Variants in PTK2 observed in about 807,000 individuals in gnomAD.
PTK2 encodes focal adhesion kinase 1.
Under a neutral mutation model 150.1 loss-of-function variants are expected in PTK2, and 45 were observed. That is an observed-to-expected ratio of 0.30 (90% CI 0.24 to 0.38). The LOEUF is 0.38. PTK2 is among the 10% of genes least tolerant of loss of function. The pLI, the probability that PTK2 is intolerant of heterozygous loss-of-function variation, is 1.00. For synonymous variants in PTK2, 432 were observed against 449.2 expected (o/e 0.96, Z 0.48); for missense variants, 919 against 1,307.3 (o/e 0.70, Z 4.58).
chr8:140,819,519 AG>A (rs2100106871), intron 8 of PTK2, among the ~76,000 whole-genome samples: 1 of 152,282 alleles, frequency 6.6e-6, no homozygotes. Context: ...GATTCACTGC[AG>A]AACTGTTTAC....
At chr8:140,855,584 G>A (rs965472705) in intron 5 of PTK2, among the ~76,000 whole-genome samples, 6 of 152,032 alleles carry the variant, frequency 3.9e-5, no homozygotes, top group African/African-American at 1.5e-4. Context: ...AACAGAGCAA[G>A]ACTCTGTCTC....
upstream of PTK2, chr8:141,002,001 G>A (rs1193767901): frequency 2.0e-5 from 3 of 152,218 alleles, no homozygotes; most frequent in Non-Finnish European, 2.9e-5. Flanking sequence ...AATCCCTCCC[G>A]AGGGCTACAG....
At chr8:140,991,849 G>A (rs11786709) in intron 1 of PTK2, among the ~76,000 whole-genome samples, 63,418 of 150,944 alleles carry the variant, frequency 0.42, 15,164 homozygotes, top group Non-Finnish European at 0.55. Flanking sequence ...TCTCTACAAA[G>A]TATGCAAAAA....
intron 1 of PTK2, chr8:140,948,683 A>C (rs2100178510): frequency 6.6e-6 from 1 of 152,218 alleles, no homozygotes; most frequent in South Asian, 2.1e-4. Context: ...TCAGCCATCC[A>C]CGTCAGCGGG....
At chr8:140,964,070 C>A (rs1185226930) in intron 1 of PTK2, among the ~76,000 whole-genome samples, 1 of 152,148 alleles carries the variant, frequency 6.6e-6, no homozygotes, top group Non-Finnish European at 1.5e-5. Flanking sequence ...TCCCTTCCCC[C>A]ACCCAGCTTA....
At chr8:140,794,499 A>G in intron 12 of PTK2, among the ~76,000 whole-genome samples, 1 of 148,908 alleles carries the variant, frequency 6.7e-6, no homozygotes. Flanking sequence ...GTTCCCCCCC[A>G]CCCCCATACA....
chr8:140,730,964 C>CA (rs1404937268), intron 22 of PTK2, among the ~76,000 whole-genome samples: 2 of 137,900 alleles, frequency 1.5e-5, no homozygotes, highest in African/African-American at 2.7e-5. Context: ...CCCCCCCCCC[C>CA]CTTTTTTTTT....
At chr8:140,780,479 G>T (rs1271880082) in intron 14 of PTK2, among the ~76,000 whole-genome samples, 1 of 152,078 alleles carries the variant, frequency 6.6e-6, no homozygotes, top group Non-Finnish European at 1.5e-5. Flanking sequence ...AAACGGGCCA[G>T]AAAAGAATAG....
intron 12 of PTK2, among the ~76,000 whole-genome samples, chr8:140,794,327 G>A (rs1194509437): frequency 1.3e-5 from 2 of 152,132 alleles, no homozygotes; most frequent in East Asian, 3.9e-4. Flanking sequence ...TGTCATCTTT[G>A]TATCGTGTCT....
At chr8:140,744,024 G>A (rs1048635053) in intron 19 of PTK2, among the ~76,000 whole-genome samples, 2 of 150,970 alleles carry the variant, frequency 1.3e-5, no homozygotes, top group Non-Finnish European at 2.9e-5. Flanking sequence ...TGATCTGCCC[G>A]CTTCGGCCTC....
intron 7 of PTK2, chr8:140,833,106 C>A: frequency 1.9e-6 from 1 of 516,284 alleles, no homozygotes; most frequent in Admixed American, 2.0e-5. Context: ...TGAAAGGAAG[C>A]ATATGTTTTT....
intron 14 of PTK2, 48 bp from the exon 16 acceptor site, chr8:140,769,640 G>C (rs748033831): frequency 7.7e-7 from 1 of 1,291,204 alleles, no homozygotes; most frequent in Non-Finnish European, 1.0e-6. Context: ...GGAACAGAGG[G>C]AGGGAGACAT....
chr8:140,803,252 C>T (rs569271109), intron 11 of PTK2, among the ~76,000 whole-genome samples: 1 of 152,082 alleles, frequency 6.6e-6, no homozygotes, highest in African/African-American at 2.4e-5. Flanking sequence ...CCTGCCTTGG[C>T]CTCCCAAAGT....
chr8:140,737,171 C>T (rs1369421037), intron 21 of PTK2, among the ~76,000 whole-genome samples: 2 of 152,208 alleles, frequency 1.3e-5, no homozygotes, highest in Admixed American at 1.3e-4. Context: ...GCCTCCATCA[C>T]AGCTCATTGC....
intron 1 of PTK2, among the ~76,000 whole-genome samples, chr8:140,947,991 T>G (rs1212608757): frequency 3.3e-5 from 5 of 152,178 alleles, no homozygotes; most frequent in African/African-American, 7.2e-5. Context: ...TCTCCTTTAT[T>G]TTGTTATTTA....
At chr8:140,836,729 C>G (rs1597952745) in intron 7 of PTK2, among the ~76,000 whole-genome samples, 1 of 152,240 alleles carries the variant, frequency 6.6e-6, no homozygotes, top group East Asian at 1.9e-4. Context: ...TTACAGATAT[C>G]AGATACTATA....
intron 26 of PTK2, among the ~76,000 whole-genome samples, chr8:140,699,890 T>C (rs2100029210): frequency 6.6e-6 from 1 of 152,068 alleles, no homozygotes; most frequent in South Asian, 2.1e-4. Context: ...TCTGTTAAAA[T>C]GAAGATAATA....
In PTK2 at chr8:140,944,652, T is replaced by C. The variant is rs372280829; in HGVS notation, c.-121-18903A>G. Among the ~76,000 whole-genome samples the C allele has an allele frequency of 1.1e-4, 17 of 152,282 alleles. No homozygotes were observed. In the East Asian group the frequency reaches 2.5e-3, roughly 22 times the overall value. On this transcript the variant is annotated intron_variant, in intron 1 of 31. Coordinates refer to ENST00000522684, the Ensembl canonical transcript of PTK2. ...TTCAGCCGCGACTCCTGAATCACAG[T>C]GCAAATAAAGACCAGAAGGATGTGC...
intron 21 of PTK2, among the ~76,000 whole-genome samples, chr8:140,738,798 G>A (rs1367093054): frequency 6.6e-6 from 1 of 152,164 alleles, no homozygotes. Flanking sequence ...AAGGAGCTGG[G>A]CAATTAGAAC....
Sources: gnomAD v4.1 joint callset for allele counts (sites outside exome capture counted in the v4.1 genomes callset) on GRCh38, gnomAD v4.1.1 for gene constraint, MANE v1.5 for transcripts, NCBI Gene and HGNC (gene_info 2026-07-23, HGNC 2026-07-21) for gene names.